The following PXDNL variants were observed in gnomAD, a reference collection of about 807,000 sequenced individuals.
PXDNL encodes peroxidasin like.
PXDNL carries 145 observed loss-of-function variants against 150.8 expected under a neutral mutation model. That is an observed-to-expected ratio of 0.96 (90% confidence interval 0.84 to 1.10). PXDNL has a LOEUF of 1.10. PXDNL is among the 50% of genes least tolerant of loss of function. The probability of loss-of-function intolerance (pLI) is 0.00; values close to 1 mark genes in which losing one functional copy is unlikely to be tolerated. For missense variants in PXDNL, 2,087 were observed against 1,873.9 expected (o/e 1.11, Z -2.10); for synonymous variants, 757 against 725.7 (o/e 1.04, Z -0.69).
chr8:51,474,255 C>G (rs976992411), intron 7 of PXDNL, among the ~76,000 whole-genome samples: 2 of 151,934 alleles, frequency 1.3e-5, no homozygotes, highest in Admixed American at 1.3e-4. Flanking sequence ...CACACACACA[C>G]GAAGGTATTC....
intron 1 of PXDNL, among the ~76,000 whole-genome samples, chr8:51,770,379 T>A (rs1300498043): frequency 6.6e-6 from 1 of 152,178 alleles, no homozygotes; most frequent in Admixed American, 6.5e-5. Context: ...ATGGAGCTAA[T>A]AGTAAAGCAA....
In PXDNL at chr8:51,751,006, G is replaced by A. The variant is rs2037040652; in HGVS notation, c.164+58175C>T. On this transcript the variant is annotated intron_variant, in intron 1 of 22. Coordinates refer to ENST00000356297, the MANE Select transcript of PXDNL (RefSeq NM_144651.5). Reference sequence around the variant, plus strand: ...GCTGAGGCAGGTAAAAAAATACAAAGTCTATCCAGAGAAAATGCCAGTTAT... The same window carrying A: ...GCTGAGGCAGGTAAAAAAATACAAAATCTATCCAGAGAAAATGCCAGTTAT... 2.0e-5 allele frequency among the ~76,000 whole-genome samples: 3 copies of A among 152,184 alleles called. No homozygotes were observed. In the South Asian group the frequency reaches 6.2e-4, roughly 32 times the overall value.
intron 4 of PXDNL, among the ~76,000 whole-genome samples, chr8:51,506,467 G>A (rs1268657929): frequency 6.7e-6 from 1 of 149,508 alleles, no homozygotes; most frequent in African/African-American, 2.5e-5. Flanking sequence ...CTTGAACCAG[G>A]GATTCGGAGG....
chr8:51,327,607 T>C (rs1338410403), intron 21 of PXDNL, among the ~76,000 whole-genome samples: 3 of 152,188 alleles, frequency 2.0e-5, no homozygotes, highest in African/African-American at 7.2e-5. Flanking sequence ...TTAAGATGCA[T>C]CTCCAAATGT....
At position 51,809,332 on chromosome 8, in the gene PXDNL, G is replaced by T; in HGVS notation, c.13C>A (p.Leu5Met). 2 of 1,552,742 alleles carry T rather than the reference G, an allele frequency of 1.3e-6. No homozygotes were observed. The highest frequency in any genetic ancestry group is 1.7e-6 in the Non-Finnish European group (2 of 1,149,472). The change falls in exon 1 of 23, where the codon CTG (leucine) becomes ATG (methionine). Residue 5 changes from leucine to methionine, a missense_variant. By Grantham distance (15) the Leu-to-Met change is conservative. Coordinates refer to ENST00000356297, the MANE Select transcript of PXDNL (RefSeq NM_144651.5). ...AGAAAGAGAGTGGTCCAGCAGAACA[G>T]TCTGGGCTCCATCGCTCCATTCGCT... is the stretch of plus-strand genomic sequence containing the variant. Reference protein sequence around the residue: MEPRLFCWTTLFLLA... With the variant: MEPRMFCWTTLFLLA...
At chr8:51,789,927 AAAT>A in intron 1 of PXDNL, among the ~76,000 whole-genome samples, 1 of 152,206 alleles carries the variant, frequency 6.6e-6, no homozygotes. Flanking sequence ...TATATATGCA[AAAT>A]ATTTTTCTAG....
At chr8:51,483,570 C>T in intron 6 of PXDNL, 73 bp downstream of exon 6, 2 of 935,628 alleles carry the variant, frequency 2.1e-6, no homozygotes, top group East Asian at 2.6e-5. Flanking sequence ...AGAAGGCAAC[C>T]AACCATTGTT....
intron 1 of PXDNL, among the ~76,000 whole-genome samples, chr8:51,762,629 T>A (rs528456946): frequency 6.6e-6 from 1 of 152,216 alleles, no homozygotes; most frequent in African/African-American, 2.4e-5. Flanking sequence ...AGCTCCCACT[T>A]TGAGTTGTCC....
intron 14 of PXDNL, among the ~76,000 whole-genome samples, chr8:51,414,308 A>G (rs1586087570): frequency 1.3e-5 from 2 of 151,978 alleles, no homozygotes. Context: ...CTCCATCTAG[A>G]TATTACAGGA....
chr8:51,724,139 G>A (rs903871288), intron 1 of PXDNL, among the ~76,000 whole-genome samples: 2 of 152,100 alleles, frequency 1.3e-5, no homozygotes, highest in Non-Finnish European at 2.9e-5. Flanking sequence ...AGGTTGGGAG[G>A]ACGGGTGGAG....
chr8:51,775,112 C>A (rs1156456150), intron 1 of PXDNL, among the ~76,000 whole-genome samples: 1 of 151,988 alleles, frequency 6.6e-6, no homozygotes, highest in Non-Finnish European at 1.5e-5. Flanking sequence ...TATATTTATA[C>A]AATTGTTATT....
intron 4 of PXDNL, among the ~76,000 whole-genome samples, chr8:51,509,501 C>T (rs575835051): frequency 1.3e-5 from 2 of 152,048 alleles, no homozygotes; most frequent in Non-Finnish European, 2.9e-5. Context: ...CTGTTGCTCT[C>T]ACATGCCAGG....
rs1304465004 is a variant in PXDNL, at chr8:51,675,438, C to T, written c.165-20678G>A. On this transcript the variant is annotated intron_variant, in intron 1 of 22. Coordinates refer to ENST00000356297, the MANE Select transcript of PXDNL (RefSeq NM_144651.5). ...CAGCATCCCTCATCAGACAACCAAA[C>T]CTACCAGCCCTTTGATCTCAGACTT... is the stretch of plus-strand genomic sequence containing the variant. Among the ~76,000 whole-genome samples the T allele has an allele frequency of 2.6e-5, 4 of 152,244 alleles. No individual in the cohort carries two copies. In the East Asian group the frequency reaches 7.7e-4, roughly 29 times the overall value.
At chr8:51,543,709 T>TG (rs1812277107) in intron 4 of PXDNL, among the ~76,000 whole-genome samples, 2 of 43,536 alleles carry the variant, frequency 4.6e-5, no homozygotes, top group African/African-American at 1.1e-4. Flanking sequence ...AGACTCCATA[T>TG]CAAAAAAAAA....
intron 4 of PXDNL, among the ~76,000 whole-genome samples, chr8:51,501,998 G>A (rs1009744485): frequency 3.3e-5 from 5 of 152,214 alleles, no homozygotes; most frequent in Non-Finnish European, 5.9e-5. Context: ...GCCCAGGCCT[G>A]TAGAGTACAA....
chr8:51,774,483 T>C (rs1053600477), intron 1 of PXDNL, among the ~76,000 whole-genome samples: 2 of 152,188 alleles, frequency 1.3e-5, no homozygotes, highest in East Asian at 1.9e-4. Flanking sequence ...TTTAACCATG[T>C]AAACCTTCTG....
intron 3 of PXDNL, among the ~76,000 whole-genome samples, chr8:51,578,597 C>T (rs1385644206): frequency 2.0e-5 from 3 of 151,546 alleles, no homozygotes; most frequent in Non-Finnish European, 4.4e-5. Flanking sequence ...TCAAGCAAGA[C>T]TTTTGTACAT....
intron 3 of PXDNL, among the ~76,000 whole-genome samples, chr8:51,577,336 C>T (rs1813077442): frequency 6.6e-6 from 1 of 151,122 alleles, no homozygotes; most frequent in African/African-American, 2.4e-5. Context: ...AAAAGTAGTT[C>T]AATATTCAAA....
intron 1 of PXDNL, among the ~76,000 whole-genome samples, chr8:51,749,489 A>G (rs2037019883): frequency 6.6e-6 from 1 of 151,134 alleles, no homozygotes; most frequent in South Asian, 2.1e-4. Context: ...AAACATATCT[A>G]AACATAGAAA....
Sources: allele counts gnomAD v4.1 joint callset (sites outside exome capture counted in the v4.1 genomes callset), GRCh38; gene constraint gnomAD v4.1.1; transcripts MANE v1.5; gene names NCBI Gene and HGNC (gene_info 2026-07-23, HGNC 2026-07-21).